Variants in PTPRG observed in about 807,000 individuals in gnomAD.
PTPRG encodes receptor-type tyrosine-protein phosphatase gamma.
PTPRG carries 102 observed loss-of-function variants against 165.3 expected under a neutral mutation model. The ratio of observed to expected loss-of-function variants is 0.62; its 90% CI spans 0.53 to 0.73. The LOEUF (loss-of-function observed/expected upper bound fraction) is 0.73, where lower values mean the gene tolerates loss of function less well. PTPRG is among the 30% of genes least tolerant of loss of function. The pLI is 0.00. For missense variants in PTPRG, 1,866 were observed against 1,861.4 expected (o/e 1.00, Z -0.05); for synonymous variants, 675 against 669.5 (o/e 1.01, Z -0.13).
At chr3:61,874,834 C>T (rs891799006) in intron 2 of PTPRG, among the ~76,000 whole-genome samples, 3 of 152,172 alleles carry the variant, frequency 2.0e-5, no homozygotes, top group Non-Finnish European at 4.4e-5. Context: ...AGATGTAAGT[C>T]CATACCCGTA....
intron 1 of PTPRG, among the ~76,000 whole-genome samples, chr3:61,689,260 G>T (rs1291569365): frequency 2.6e-5 from 4 of 152,192 alleles, no homozygotes; most frequent in Non-Finnish European, 5.9e-5. Flanking sequence ...TCCTATAACT[G>T]CTTCCCTATC....
At chr3:61,857,963 A>G (rs2037159081) in intron 2 of PTPRG, among the ~76,000 whole-genome samples, 1 of 152,132 alleles carries the variant, frequency 6.6e-6, no homozygotes. Context: ...CCTCCCTCTT[A>G]ACACCAGGTC....
chr3:61,829,776 T>G (rs658724), intron 2 of PTPRG, among the ~76,000 whole-genome samples: 72,694 of 151,926 alleles, frequency 0.48, 18,624 homozygotes, highest in East Asian at 0.68. Context: ...CAAGTGAGAG[T>G]CATACAGTCA....
intron 4 of PTPRG, among the ~76,000 whole-genome samples, chr3:62,044,616 T>G (rs770606323): frequency 3.9e-5 from 6 of 152,322 alleles, no homozygotes; most frequent in Non-Finnish European, 7.3e-5. Context: ...CTATTGTATT[T>G]AAAGCATTTA....
intron 5 of PTPRG, among the ~76,000 whole-genome samples, chr3:62,090,336 A>T (rs1337024993): frequency 6.6e-6 from 1 of 152,058 alleles, no homozygotes; most frequent in African/African-American, 2.4e-5. Flanking sequence ...CACTAGTTCT[A>T]GTTTTTTTTT....
chr3:62,016,179 T>C (rs2041540694), intron 4 of PTPRG, among the ~76,000 whole-genome samples: 1 of 152,180 alleles, frequency 6.6e-6, no homozygotes. Flanking sequence ...TAACTATATA[T>C]ATTTTTAAGA....
In PTPRG at chr3:62,191,610, A is replaced by C. The variant is rs759230918; in HGVS notation, c.1175A>C (p.Asp392Ala). ...MISYSWTKNEDEKEKTFTKDS... is the reference protein window; with the variant it reads ...MISYSWTKNEAEKEKTFTKDS... ...TCCTACAGCTGGACCAAGAATGAGGACGAGAAGGAGAAGACGTTTACAAAG... is the reference window on the plus strand; with the variant it reads ...TCCTACAGCTGGACCAAGAATGAGGCCGAGAAGGAGAAGACGTTTACAAAG... Residue 392 changes from aspartate (D) to alanine (A), a missense_variant, in exon 9 of 30, where the codon GAC becomes GCC. This residue lies in a region of PTPRG where 1,452 missense variants were observed against 1,463.0 expected (regional missense o/e 0.99). Coordinates refer to ENST00000474889, the MANE Select transcript of PTPRG (RefSeq NM_002841.4). 2.5e-6 allele frequency: 4 copies of C among 1,614,194 alleles called. No individual in the cohort carries two copies. The highest frequency in any genetic ancestry group is 2.2e-5 in the East Asian group (1 of 44,870).
intron 8 of PTPRG, among the ~76,000 whole-genome samples, chr3:62,169,942 T>C (rs1241705958): frequency 6.6e-6 from 1 of 152,164 alleles, no homozygotes; most frequent in Non-Finnish European, 1.5e-5. Flanking sequence ...TTTGATGATA[T>C]GAAAGAGCCC....
In PTPRG at chr3:62,296,449, G is replaced by A. The variant is rs937361851; in HGVS notation, c.*3142G>A. 4 of 151,316 alleles carry A rather than the reference G, an allele frequency of 2.6e-5. No individual in the cohort carries two copies. The highest frequency in any genetic ancestry group is 4.4e-5 in the Non-Finnish European group (3 of 67,858). The allele number at this position is 151,316 out of a possible 1,614,324, so 9.4% of individuals were successfully genotyped here. Reference sequence around the variant, plus strand: ...ATACTGTATTTAAAATTAAAATATAGATACCAATTTACCAAAGATACATAT... The same window carrying A: ...ATACTGTATTTAAAATTAAAATATAAATACCAATTTACCAAAGATACATAT... On this transcript the variant is annotated 3_prime_UTR_variant, in exon 30 of 30. Coordinates refer to ENST00000474889, the MANE Select transcript of PTPRG (RefSeq NM_002841.4).
At chr3:61,737,250 T>G (rs1454581586) in intron 1 of PTPRG, among the ~76,000 whole-genome samples, 1 of 152,196 alleles carries the variant, frequency 6.6e-6, no homozygotes, top group African/African-American at 2.4e-5. Flanking sequence ...ATCATGTGTG[T>G]TTCACTTTAT....
At chr3:62,122,201 T>A (rs1425324347) in intron 5 of PTPRG, among the ~76,000 whole-genome samples, 2 of 152,220 alleles carry the variant, frequency 1.3e-5, no homozygotes, top group Non-Finnish European at 2.9e-5. Flanking sequence ...GCTTTAACAG[T>A]AGCTCCCTAA....
chr3:61,890,683 G>A (rs2038189050), intron 2 of PTPRG, among the ~76,000 whole-genome samples: 1 of 152,026 alleles, frequency 6.6e-6, no homozygotes, highest in African/African-American at 2.4e-5. Context: ...AGTTTTCAGT[G>A]TAAAAATTGA....
At chr3:61,572,073 T>C (rs1700070439) in intron 1 of PTPRG, among the ~76,000 whole-genome samples, 1 of 152,198 alleles carries the variant, frequency 6.6e-6, no homozygotes. Context: ...CAGGACACAC[T>C]GTGATTTGTG....
At chr3:61,972,360 T>G (rs1313321351) in intron 2 of PTPRG, among the ~76,000 whole-genome samples, 1 of 152,176 alleles carries the variant, frequency 6.6e-6, no homozygotes, top group Non-Finnish European at 1.5e-5. Context: ...AGATGATTTT[T>G]CAGGTCTTTG....
chr3:62,275,239 T>C (rs2148878743), intron 23 of PTPRG, among the ~76,000 whole-genome samples: 1 of 152,320 alleles, frequency 6.6e-6, no homozygotes, highest in East Asian at 1.9e-4. Context: ...TCAACAGAAA[T>C]GTACTGAGAA....
At position 62,271,408 on chromosome 3, in the gene PTPRG, G is replaced by C; in HGVS notation, c.3035G>C (p.Arg1012Pro). ...KKGQKGNPKGRQNERVVIQYH... is the reference protein window; with the variant it reads ...KKGQKGNPKGPQNERVVIQYH... ...GGTCAGAAGGGAAATCCCAAGGGTCGTCAGAATGAAAGGGTAGTGATCCAG... is the reference window on the plus strand; with the variant it reads ...GGTCAGAAGGGAAATCCCAAGGGTCCTCAGAATGAAAGGGTAGTGATCCAG... Residue 1012 changes from arginine to proline, a missense_variant, in exon 21 of 30, where the codon CGT becomes CCT. Arg to Pro is a moderately radical substitution (Grantham distance 103). This residue lies in a region of PTPRG where 1,452 missense variants were observed against 1,463.0 expected (regional missense o/e 0.99). Transcript: ENST00000474889. The surrounding 1 kb of genome is among the most constrained non-coding windows in gnomAD (Gnocchi z 4.1). The C allele has an allele frequency of 5.0e-6, 8 of 1,608,486 alleles. No individual in the cohort carries two copies. Among genetic ancestry groups the C allele is most frequent in the Non-Finnish European group, 6.8e-6 (8 of 1,177,702 alleles).
At position 61,594,594 on chromosome 3, in the gene PTPRG, CTGA is replaced by C. The variant is rs576625393; in HGVS notation, c.85+32228_85+32230del. ...TATTTCTGCGGAAGCACACCCAGGA[CTGA>C]TGATGTTTTGTGTGTTGTTAGGTAG... is the stretch of plus-strand genomic sequence containing the variant. On this transcript the variant is annotated intron_variant, in intron 1 of 29. Transcript: ENST00000474889. Among the ~76,000 whole-genome samples the C allele has an allele frequency of 4.7e-4, 71 of 152,288 alleles. 5 individuals carry two copies. In the South Asian group the frequency reaches 0.015, roughly 32 times the overall value.
chr3:62,291,321 C>T (rs1702890537), intron 28 of PTPRG, among the ~76,000 whole-genome samples: 1 of 152,098 alleles, frequency 6.6e-6, no homozygotes, highest in Admixed American at 6.6e-5. Context: ...TAAAAACAGG[C>T]ATACCTGTGA....
At position 62,273,572 on chromosome 3, in the gene PTPRG, G is replaced by GT; in HGVS notation, c.3319-125dup. The GT allele has an allele frequency of 1.1e-6, 1 of 894,388 alleles. No homozygotes were observed. Among genetic ancestry groups the GT allele is most frequent in the Non-Finnish European group, 1.8e-6 (1 of 557,986 alleles). 55.4% of individuals were successfully genotyped at this position (894,388 alleles called of 1,614,324 possible). A position where few individuals can be genotyped will look rare whatever the true frequency, so the allele number is the denominator to read the frequency against. Reference sequence around the variant, plus strand: ...GAGTATTGGAGCAAATCACCTAGCTGTAAGTGCTTGAAGGAAATCACTGGG... The same window carrying GT: ...GAGTATTGGAGCAAATCACCTAGCTGTTAAGTGCTTGAAGGAAATCACTGGG... On this transcript the variant is annotated intron_variant, in intron 22 of 29. Transcript: ENST00000474889. This position sits in a 1 kb window ranked among gnomAD's most constrained non-coding sequence, Gnocchi z 4.1.
Sources: gnomAD v4.1 joint callset for allele counts (sites outside exome capture counted in the v4.1 genomes callset) on GRCh38, gnomAD v4.1.1 for gene constraint, gnomAD v4.1.1 regional missense constraint, Gnocchi (gnomAD v3.1) non-coding constraint, MANE v1.5 for transcripts, NCBI Gene and HGNC (gene_info 2026-07-23, HGNC 2026-07-21) for gene names.